TMEM217: variants seen among roughly 807,000 people sequenced by gnomAD.
TMEM217 encodes transmembrane protein 217.
For synonymous variants in TMEM217, 76 were observed against 88.3 expected, an observed-to-expected ratio of 0.86 and a Z score of 0.78; for missense variants, 204 against 248.8, an observed-to-expected ratio of 0.82 and a Z score of 1.21.
chr6:37,225,740 G>T (rs1326132314), intron 1 of TMEM217, among the ~76,000 whole-genome samples: 1 of 152,116 alleles, frequency 6.6e-6, no homozygotes, highest in Non-Finnish European at 1.5e-5. Context: ...CTAGACACAT[G>T]GCCACCCAGC....
chr6:37,239,944 C>T (rs1033338690), intron 1 of TMEM217, among the ~76,000 whole-genome samples: 19 of 150,326 alleles, frequency 1.3e-4, no homozygotes, highest in Non-Finnish European at 2.2e-4. Flanking sequence ...GAGACTCAAA[C>T]AATAGTAGTT....
chr6:37,220,318 C>T (rs1297512617), intron 1 of TMEM217, among the ~76,000 whole-genome samples: 1 of 152,162 alleles, frequency 6.6e-6, no homozygotes, highest in East Asian at 1.9e-4. Context: ...ATTATGACAG[C>T]AATGCAGGGT....
chr6:37,250,467 T>C lies in TMEM217; in HGVS notation c.-12+7101A>G, dbSNP rs1322469041. On this transcript the variant is annotated intron_variant, in intron 1 of 1. Coordinates refer to ENST00000357219, the Ensembl canonical transcript of TMEM217. The stretch of plus-strand genomic sequence containing the variant: ...TACTATAGGTGAGGATGTGGAGCAA[T>C]GTAAACTCACACTCATTGCTGTGAG... Among the ~76,000 whole-genome samples, 5 of 152,234 alleles carry C rather than the reference T, an allele frequency of 3.3e-5. No homozygotes were observed. The South Asian group carries it at 1.0e-3, about 31-fold the overall frequency.
At chr6:37,257,768 G>T in exon 1 of TMEM217, 1 of 798,864 alleles carries the variant, frequency 1.3e-6, no homozygotes, top group Non-Finnish European at 2.0e-6. Context: ...GTGGAGGGGT[G>T]CCCACATCCA....
Position 37,244,670 on chromosome 6 carries a change from T to C in TMEM217, c.-12+12898A>G, listed in dbSNP as rs548097859. 2.6e-5 allele frequency among the ~76,000 whole-genome samples: 4 copies of C among 152,356 alleles called. No individual in the cohort carries two copies. In the South Asian group the frequency reaches 8.3e-4, roughly 32 times the overall value. On this transcript the variant is annotated intron_variant, in intron 1 of 1. Transcript: ENST00000357219. ...GAATCATATGTGTGTTGGCCGTATA[T>C]TGTCACAATAACATCACATAAACAA... is the stretch of plus-strand genomic sequence containing the variant.
chr6:37,232,350 A>C (rs925341495), intron 1 of TMEM217, among the ~76,000 whole-genome samples: 4 of 152,138 alleles, frequency 2.6e-5, no homozygotes, highest in African/African-American at 9.7e-5. Context: ...ATCTAGACTA[A>C]AGGCCCTATG....
intron 1 of TMEM217, among the ~76,000 whole-genome samples, chr6:37,235,208 C>A (rs1346159189): frequency 6.6e-6 from 1 of 152,106 alleles, no homozygotes; most frequent in Non-Finnish European, 1.5e-5. Flanking sequence ...TATATTACTT[C>A]AAATACTACA....
At chr6:37,229,577 C>T (rs1216684322) in intron 1 of TMEM217, among the ~76,000 whole-genome samples, 4 of 151,958 alleles carry the variant, frequency 2.6e-5, no homozygotes, top group Non-Finnish European at 5.9e-5. Context: ...CTCCTGACCT[C>T]GTGATCCACC....
chr6:37,223,327 A>G (rs1763648501), intron 1 of TMEM217, among the ~76,000 whole-genome samples: 1 of 152,238 alleles, frequency 6.6e-6, no homozygotes, highest in Non-Finnish European at 1.5e-5. Context: ...TACTCAAACT[A>G]TGGAACACCA....
At chr6:37,258,135 A>G, upstream of TMEM217, 1 of 785,484 alleles carries the variant, frequency 1.3e-6, no homozygotes, top group South Asian at 2.0e-5. Context: ...AGCGAAGCGA[A>G]CAGCGAGCTT....
At chr6:37,254,961 G>A (rs539118465) in intron 1 of TMEM217, among the ~76,000 whole-genome samples, 2 of 152,286 alleles carry the variant, frequency 1.3e-5, no homozygotes, top group South Asian at 4.1e-4. Context: ...TCCCTTGTAT[G>A]AGCAGTTCAC....
chr6:37,222,591 C>G (rs1310329463), intron 1 of TMEM217, among the ~76,000 whole-genome samples: 3 of 152,236 alleles, frequency 2.0e-5, no homozygotes, highest in African/African-American at 7.2e-5. Context: ...AGGTCTGCAG[C>G]CGTGGGTCCT....
intron 1 of TMEM217, among the ~76,000 whole-genome samples, chr6:37,228,930 G>A (rs1764008243): frequency 6.6e-6 from 1 of 151,858 alleles, no homozygotes; most frequent in African/African-American, 2.4e-5. Context: ...CTGGGAGGTG[G>A]AGCTTGCAGT....
chr6:37,215,994 GGTGTGTGTGTGTGTGTGTGTGTGT>G (rs60725183), downstream of TMEM217, among the ~76,000 whole-genome samples: 11 of 149,082 alleles, frequency 7.4e-5, no homozygotes, highest in Non-Finnish European at 1.5e-4. Flanking sequence ...GGTTCTTCAG[GGTGTGTGTGTGTGTGTGTGTGTGT>G]GTGTGTGTGT....
chr6:37,247,136 T>A (rs1765133063), intron 1 of TMEM217, among the ~76,000 whole-genome samples: 1 of 152,224 alleles, frequency 6.6e-6, no homozygotes, highest in Non-Finnish European at 1.5e-5. Context: ...AAGACTTATA[T>A]GGCCTTAGAA....
chr6:37,229,696 C>T (rs889415901), intron 1 of TMEM217, among the ~76,000 whole-genome samples: 4 of 152,134 alleles, frequency 2.6e-5, no homozygotes, highest in African/African-American at 9.7e-5. Context: ...TATTATTTGG[C>T]TCATTCTAAG....
intron 1 of TMEM217, among the ~76,000 whole-genome samples, chr6:37,225,521 T>G (rs1339514623): frequency 6.6e-6 from 1 of 152,172 alleles, no homozygotes; most frequent in Non-Finnish European, 1.5e-5. Context: ...GAAAAAGACA[T>G]GTAATCTAAT....
At chr6:37,232,259 C>G (rs367811887) in intron 1 of TMEM217, among the ~76,000 whole-genome samples, 2 of 152,156 alleles carry the variant, frequency 1.3e-5, no homozygotes, top group Non-Finnish European at 2.9e-5. Flanking sequence ...GCTGAAATAG[C>G]GAAAGTCAGG....
downstream of TMEM217, chr6:37,215,350 G>A (rs1763126487): frequency 1.9e-6 from 3 of 1,543,964 alleles, no homozygotes; most frequent in Middle Eastern, 2.1e-4. Context: ...CTTGAGGCAG[G>A]CGGATCACGA....
Sources: gnomAD v4.1 joint callset for allele counts (sites outside exome capture counted in the v4.1 genomes callset) on GRCh38, gnomAD v4.1.1 for gene constraint, MANE v1.5 for transcripts, NCBI Gene and HGNC (gene_info 2026-07-23, HGNC 2026-07-21) for gene names.